The following IQCM variants were observed in gnomAD, a reference collection of about 807,000 sequenced individuals.
The protein encoded by IQCM is IQ domain-containing protein M.
A neutral mutation model predicts 57.6 loss-of-function variants in IQCM; 45 were observed. The observed-to-expected ratio is 0.78, with a 90% CI of 0.62 to 1.00. The LOEUF (loss-of-function observed/expected upper bound fraction) is 1.00, where lower values mean the gene tolerates loss of function less well. Among genes scored for constraint, IQCM ranks in the 50% least tolerant of loss-of-function variants. IQCM has a pLI of 0.00. For synonymous variants in IQCM, 148 were observed against 158.9 expected (o/e 0.93, Z 0.51); for missense variants, 468 against 511.6 (o/e 0.91, Z 0.82).
chr4:149,395,192 C>T (rs1023189660), intron 13 of IQCM, among the ~76,000 whole-genome samples: 4 of 152,030 alleles, frequency 2.6e-5, no homozygotes, highest in African/African-American at 4.8e-5. Flanking sequence ...TTTGATCACA[C>T]GTTCCTCTAG....
intron 12 of IQCM, among the ~76,000 whole-genome samples, chr4:149,460,454 A>G (rs1025039756): frequency 1.3e-5 from 2 of 152,194 alleles, no homozygotes; most frequent in African/African-American, 2.4e-5. Context: ...AGATGAGGAC[A>G]TATATAGCAT....
At chr4:149,461,646 C>A (rs1738298361) in intron 12 of IQCM, among the ~76,000 whole-genome samples, 1 of 144,826 alleles carries the variant, frequency 6.9e-6, no homozygotes, top group Non-Finnish European at 1.5e-5. Flanking sequence ...AGAGCAAGAC[C>A]CAGTCTCCAA....
chr4:149,555,556 CTCTT>C lies in IQCM; in HGVS notation c.949-2273_949-2270del, dbSNP rs533715121. 1.2e-4 allele frequency among the ~76,000 whole-genome samples: 19 copies of C among 152,348 alleles called. No homozygotes were observed. In the South Asian group the frequency reaches 3.9e-3, roughly 32 times the overall value. On this transcript the variant is annotated intron_variant, in intron 10 of 13. Transcript: ENST00000636793. ...CCCAGGATTCAGTGTCTGCATCAAACTCTTTCTGTATAGGATTTGGCTGGATTAC... is the reference window on the plus strand; with the variant it reads ...CCCAGGATTCAGTGTCTGCATCAAACTCTGTATAGGATTTGGCTGGATTAC...
intron 3 of IQCM, among the ~76,000 whole-genome samples, chr4:149,738,827 C>G (rs1426994974): frequency 6.6e-6 from 1 of 152,146 alleles, no homozygotes; most frequent in Non-Finnish European, 1.5e-5. Context: ...AAAAGTGGCC[C>G]TTGAACAAGA....
intron 12 of IQCM, among the ~76,000 whole-genome samples, chr4:149,470,097 T>A (rs1024208137): frequency 2.0e-5 from 3 of 152,176 alleles, no homozygotes; most frequent in African/African-American, 7.2e-5. Flanking sequence ...AACATCATAA[T>A]GACAGGATCA....
At chr4:149,561,833 C>T (rs918093130) in intron 10 of IQCM, among the ~76,000 whole-genome samples, 1 of 152,048 alleles carries the variant, frequency 6.6e-6, no homozygotes, top group African/African-American at 2.4e-5. Flanking sequence ...CAGATGACAA[C>T]AATCTAAAGA....
intron 2 of IQCM, among the ~76,000 whole-genome samples, chr4:149,766,569 T>C (rs1770079526): frequency 1.3e-5 from 2 of 152,148 alleles, no homozygotes; most frequent in African/African-American, 4.8e-5. Context: ...AGTGTAGTTT[T>C]GTATTGTCCC....
rs138347462 is a variant in IQCM at position 149,618,879 on chromosome 4, G to T, written c.681+2250C>A. On this transcript the variant is annotated intron_variant, in intron 8 of 13. Transcript: ENST00000636793. ...AAAAGGGAACACTTATACAGTTAGT[G>T]GAAATATAAGTTAGTACACCCTCTA... Among the ~76,000 whole-genome samples, 9 of 152,128 alleles carry T rather than the reference G, an allele frequency of 5.9e-5. No individual in the cohort carries two copies. The South Asian group carries it at 1.0e-3, about 18-fold the overall frequency.
At chr4:149,635,641 A>AT (rs1327183850) in intron 7 of IQCM, among the ~76,000 whole-genome samples, 1 of 152,184 alleles carries the variant, frequency 6.6e-6, no homozygotes, top group Non-Finnish European at 1.5e-5. Context: ...CATATTAAAA[A>AT]TTTACAAATA....
At chr4:149,718,407 G>A (rs1422840007) in intron 5 of IQCM, among the ~76,000 whole-genome samples, 2 of 152,098 alleles carry the variant, frequency 1.3e-5, no homozygotes, top group African/African-American at 2.4e-5. Flanking sequence ...ACAGTATCTG[G>A]TTCAAGTAGG....
chr4:149,474,172 G>T (rs1316744372), intron 12 of IQCM, among the ~76,000 whole-genome samples: 1 of 151,628 alleles, frequency 6.6e-6, no homozygotes, highest in Non-Finnish European at 1.5e-5. Context: ...AAAGAAAGCA[G>T]TAACTATGAA....
chr4:149,780,155 T>C (rs1209512850), intron 2 of IQCM: 3 of 152,166 alleles, frequency 2.0e-5, no homozygotes, highest in African/African-American at 7.2e-5. Context: ...AAACATATTG[T>C]TGAAGACAGT....
chr4:149,406,950 A>G (rs535196742), intron 13 of IQCM, among the ~76,000 whole-genome samples: 10 of 151,912 alleles, frequency 6.6e-5, no homozygotes, highest in Middle Eastern at 6.8e-3. Context: ...CACGTTTTAC[A>G]TGGTGGCAGG....
intron 12 of IQCM, among the ~76,000 whole-genome samples, chr4:149,537,806 G>C (rs906436540): frequency 2.6e-5 from 4 of 151,740 alleles, no homozygotes; most frequent in Non-Finnish European, 4.4e-5. Flanking sequence ...GCAGTAGAAG[G>C]ATATATTCAA....
intron 12 of IQCM, among the ~76,000 whole-genome samples, chr4:149,440,337 G>A (rs756435216): frequency 2.6e-5 from 4 of 151,574 alleles, no homozygotes; most frequent in South Asian, 4.2e-4. Flanking sequence ...GAGACAAATC[G>A]CATCATTTTG....
chr4:149,595,437 G>A (rs765044625), intron 8 of IQCM, among the ~76,000 whole-genome samples: 1 of 151,842 alleles, frequency 6.6e-6, no homozygotes, highest in Non-Finnish European at 1.5e-5. Context: ...GTTTAAATAG[G>A]TACTGTGAAG....
At chr4:149,788,379 G>A (rs537296256) in intron 2 of IQCM, among the ~76,000 whole-genome samples, 11 of 152,150 alleles carry the variant, frequency 7.2e-5, no homozygotes, top group Admixed American at 3.3e-4. Flanking sequence ...ATGACCAGAA[G>A]GTATGTGAGA....
chr4:149,724,799 T>C (rs1374502566), intron 5 of IQCM, among the ~76,000 whole-genome samples: 1 of 152,032 alleles, frequency 6.6e-6, no homozygotes, highest in Admixed American at 6.6e-5. Context: ...TAGTACTACA[T>C]GGACAAGACA....
intron 12 of IQCM, among the ~76,000 whole-genome samples, chr4:149,542,859 A>T (rs535990397): frequency 2.6e-5 from 4 of 152,130 alleles, no homozygotes; most frequent in Non-Finnish European, 4.4e-5. Flanking sequence ...CAGTCCAGTG[A>T]CTTAGATATT....
Sources: gnomAD v4.1 joint callset for allele counts (sites outside exome capture counted in the v4.1 genomes callset) on GRCh38, gnomAD v4.1.1 for gene constraint, MANE v1.5 for transcripts, NCBI Gene and HGNC (gene_info 2026-07-23, HGNC 2026-07-21) for gene names.